The following CAT variants were observed in gnomAD, a reference collection of about 807,000 sequenced individuals.
CAT encodes epididymis secretory sperm binding protein.
Under a neutral mutation model 59.0 loss-of-function variants are expected in CAT, and 43 were observed. The observed-to-expected ratio is 0.73, with a 90% CI of 0.57 to 0.94. The LOEUF (loss-of-function observed/expected upper bound fraction) is 0.94. CAT is among the 40% of genes least tolerant of loss of function. The probability of loss-of-function intolerance (pLI) is 0.00; values close to 1 mark genes in which losing one functional copy is unlikely to be tolerated. For missense variants in CAT, 664 were observed against 682.9 expected, an observed-to-expected ratio of 0.97 and a Z score of 0.31; for synonymous variants, 218 against 230.9, an observed-to-expected ratio of 0.94 and a Z score of 0.51.
chr11:34,461,366 C>T lies in CAT; in HGVS notation c.1172C>T (p.Pro391Leu), dbSNP rs780944771. ...GTGGCCAACTACCAGCGTGACGGCC[C>T]GATGTGCATGCAGGACAATCAGGGT... Reference protein sequence around the residue: ...ARVANYQRDGPMCMQDNQGGA... With the variant: ...ARVANYQRDGLMCMQDNQGGA... The change falls in exon 9 of 13, where the codon CCG becomes CTG. Residue 391 changes from proline (P) to leucine (L), a missense_variant. Transcript: ENST00000241052. 21 of 1,614,204 alleles carry T rather than the reference C, an allele frequency of 1.3e-5. No homozygotes were observed. Among genetic ancestry groups the T allele is most frequent in the Middle Eastern group, 1.7e-4 (1 of 6,060 alleles).
intron 1 of CAT, among the ~76,000 whole-genome samples, chr11:34,448,017 G>A (rs967988664): frequency 1.3e-5 from 2 of 151,998 alleles, no homozygotes; most frequent in African/African-American, 4.8e-5. Flanking sequence ...TGTGTGAGAG[G>A]GTCTTGTTTA....
At chr11:34,450,342 C>T (rs1429294170) in intron 2 of CAT, among the ~76,000 whole-genome samples, 4 of 152,062 alleles carry the variant, frequency 2.6e-5, no homozygotes, top group Non-Finnish European at 5.9e-5. Context: ...CCAACAATTT[C>T]TGTAAAACTT....
At position 34,453,997 on chromosome 11, in the gene CAT, G is replaced by T. The variant is rs915720823; in HGVS notation, c.711+71G>T. On this transcript the variant is annotated intron_variant, in intron 6 of 12. Coordinates refer to ENST00000241052, the MANE Select transcript of CAT (RefSeq NM_001752.4). ...ACCTCCTTATTTTTCCTGAAGGATT[G>T]AGCAAAGATTAAGGCTTCTCCCACT... The T allele has an allele frequency of 3.9e-6, 6 of 1,527,970 alleles. No homozygotes were observed. The African/African-American group carries it at 6.8e-5, about 17-fold the overall frequency. 94.7% of individuals were successfully genotyped at this position (1,527,970 alleles called of 1,614,324 possible).
intron 8 of CAT, 26 bp downstream of exon 8, chr11:34,456,843 T>C (rs767761717): frequency 1.2e-6 from 2 of 1,613,372 alleles, no homozygotes; most frequent in South Asian, 2.2e-5. Context: ...TGAGATGTTC[T>C]GAGGCAGGTG....
At chr11:34,439,185 C>A in intron 1 of CAT, 106 bp downstream of exon 1, 2 of 1,056,646 alleles carry the variant, frequency 1.9e-6, no homozygotes, top group East Asian at 2.6e-5. Flanking sequence ...AGGGACTGTA[C>A]CGCGGCTCAC....
At chr11:34,439,516 A>C (rs1856360768) in intron 1 of CAT, among the ~76,000 whole-genome samples, 1 of 152,048 alleles carries the variant, frequency 6.6e-6, no homozygotes, top group South Asian at 2.1e-4. Context: ...CAGGGCAGGG[A>C]TTGTGTTTTA....
chr11:34,448,332 GTC>G (rs1188347227), intron 1 of CAT, among the ~76,000 whole-genome samples: 1 of 152,196 alleles, frequency 6.6e-6, no homozygotes, highest in African/African-American at 2.4e-5. Context: ...TCACTTACGT[GTC>G]TCTCCTGATT....
chr11:34,460,973 C>A (rs1340970725), intron 8 of CAT: 1 of 472,656 alleles, frequency 2.1e-6, no homozygotes, highest in African/African-American at 2.0e-5. Flanking sequence ...AAGACACTAA[C>A]TTGTTATGCA....
chr11:34,465,759 G>A (rs191459020), intron 10 of CAT, among the ~76,000 whole-genome samples: 6 of 152,302 alleles, frequency 3.9e-5, no homozygotes, highest in African/African-American at 1.4e-4. Context: ...ACTTGGGCTT[G>A]CATCTGTCTA....
chr11:34,451,990 T>G lies in CAT; in HGVS notation c.350-87T>G. The G allele has an allele frequency of 2.1e-6, 3 of 1,410,448 alleles. No homozygotes were observed. The African/African-American group carries it at 4.2e-5, about 20-fold the overall frequency. The allele number at this position is 1,410,448 out of a possible 1,614,324, so 87.4% of individuals were successfully genotyped here. On this transcript the variant is annotated intron_variant, in intron 3 of 12. Transcript: ENST00000241052. ...GTTCTTGGAAGTGGATTAGAAAGGA[T>G]GGATCCAGGTGCTTCTTTATGTCTC...
At chr11:34,454,190 A>G (rs1345826684) in intron 6 of CAT, among the ~76,000 whole-genome samples, 1 of 152,206 alleles carries the variant, frequency 6.6e-6, no homozygotes, top group East Asian at 1.9e-4. Context: ...TAAGTCATCC[A>G]TCTATTTACT....
rs763040216 is a variant in CAT at position 34,439,013 on chromosome 11, T to A, written c.-1T>A. ...GTGTTCTGCACAGCAAACCGCACGCTATGGCTGACAGCCGGGATCCCGCCA... is the reference window on the plus strand; with the variant it reads ...GTGTTCTGCACAGCAAACCGCACGCAATGGCTGACAGCCGGGATCCCGCCA... On this transcript the variant is annotated 5_prime_UTR_variant, in exon 1 of 13. Coordinates refer to ENST00000241052, the MANE Select transcript of CAT (RefSeq NM_001752.4). 1 of 1,590,038 alleles carries A rather than the reference T, an allele frequency of 6.3e-7. No homozygotes were observed. Among genetic ancestry groups the A allele is most frequent in the Non-Finnish European group, 8.6e-7 (1 of 1,168,146 alleles).
intron 10 of CAT, among the ~76,000 whole-genome samples, chr11:34,466,804 A>AAAAAAG (rs1554938652): frequency 2.0e-5 from 3 of 147,830 alleles, no homozygotes; most frequent in African/African-American, 7.7e-5. Flanking sequence ...AAAAAAAAAA[A>AAAAAAG]GAAAATAGAT....
intron 6 of CAT, 136 bp downstream of exon 6, chr11:34,454,062 C>A: frequency 2.3e-6 from 2 of 887,682 alleles, no homozygotes; most frequent in Non-Finnish European, 3.5e-6. Context: ...AAGTATTGAT[C>A]TCATTGATCA....
intron 6 of CAT, among the ~76,000 whole-genome samples, chr11:34,455,492 G>T (rs1856577939): frequency 6.7e-6 from 1 of 148,252 alleles, no homozygotes; most frequent in Non-Finnish European, 1.5e-5. Context: ...CTGTACTGAA[G>T]TTCTTTTCAA....
intron 8 of CAT, among the ~76,000 whole-genome samples, chr11:34,459,372 G>A (rs531881369): frequency 6.6e-6 from 1 of 152,162 alleles, no homozygotes; most frequent in South Asian, 2.1e-4. Flanking sequence ...GTGTTTACAG[G>A]TGCCTTTTAA....
chr11:34,450,826 T>A (rs1330968136), intron 2 of CAT, among the ~76,000 whole-genome samples, 162 bp from the exon 3 acceptor site: 1 of 152,198 alleles, frequency 6.6e-6, no homozygotes, highest in Non-Finnish European at 1.5e-5. Context: ...CATTTCACCC[T>A]CTTTATTTTG....
At chr11:34,465,495 G>T (rs549259524) in intron 10 of CAT, among the ~76,000 whole-genome samples, 1 of 152,194 alleles carries the variant, frequency 6.6e-6, no homozygotes, top group East Asian at 1.9e-4. Context: ...AAAGAATTTT[G>T]CCTATGTGAG....
chr11:34,454,168 C>G (rs7103083), intron 6 of CAT, among the ~76,000 whole-genome samples: 6,919 of 152,240 alleles, frequency 0.045, 529 homozygotes, highest in African/African-American at 0.16. Flanking sequence ...AATATCATTT[C>G]TTTTAACTTT....
Sources: allele counts gnomAD v4.1 joint callset (sites outside exome capture counted in the v4.1 genomes callset), GRCh38; gene constraint gnomAD v4.1.1; transcripts MANE v1.5; gene names NCBI Gene and HGNC (gene_info 2026-07-23, HGNC 2026-07-21).